The following H2AZ2 variants were observed in gnomAD, a reference collection of about 807,000 sequenced individuals.
H2AZ2 encodes the protein H2A.Z variant histone 2.
In H2AZ2, 5 loss-of-function variants were observed where a neutral mutation model predicts 15.5. That is an observed-to-expected ratio of 0.32 (90% confidence interval 0.17 to 0.68). H2AZ2 has a LOEUF of 0.68. Ranked by LOEUF, H2AZ2 falls within the 30% of genes least tolerant of loss-of-function variation. The probability of loss-of-function intolerance (pLI) is 0.72; values close to 1 mark genes in which losing one functional copy is unlikely to be tolerated. For missense variants in H2AZ2, 42 were observed against 162.5 expected (o/e 0.26, Z 4.03); for synonymous variants, 44 against 57.4 (o/e 0.77, Z 1.05).
chr7:44,839,948 A>G (rs943319389), intron 3 of H2AZ2, among the ~76,000 whole-genome samples: 5 of 151,576 alleles, frequency 3.3e-5, no homozygotes, highest in Admixed American at 1.3e-4. Context: ...GGTTGCAGTG[A>G]GCCAAGATTG....
downstream of H2AZ2, chr7:44,827,252 G>A (rs1199063113): frequency 6.6e-6 from 1 of 152,188 alleles, no homozygotes; most frequent in Non-Finnish European, 1.5e-5. Flanking sequence ...AAAGTACATA[G>A]TAAGTCCAGA....
intron 2 of H2AZ2, among the ~76,000 whole-genome samples, chr7:44,841,516 A>AT (rs1373803174): frequency 3.3e-5 from 5 of 151,692 alleles, no homozygotes; most frequent in South Asian, 2.1e-4. Flanking sequence ...GCCCTTTATT[A>AT]TTTTTTTTAT....
At position 44,835,698 on chromosome 7, in the gene H2AZ2, TAGGATCCCAAATGA is replaced by T. The variant is rs1479527330; in HGVS notation, c.196-54_196-41del. 3 of 1,522,318 alleles carry T rather than the reference TAGGATCCCAAATGA, an allele frequency of 2.0e-6. No homozygotes were observed. The African/African-American group carries it at 4.1e-5, about 21-fold the overall frequency. 94.3% of individuals were successfully genotyped at this position (1,522,318 alleles called of 1,614,324 possible). ...TGATTAGCATATCAAATGAAGGACC[TAGGATCCCAAATGA>T]AGGATCACTTAGCATTTGTACATAC... On this transcript the variant is annotated intron_variant, in intron 3 of 4. Coordinates refer to ENST00000308153, the MANE Select transcript of H2AZ2 (RefSeq NM_012412.5).
At chr7:44,830,586 CCTT>C (rs1392749333), downstream of H2AZ2, among the ~76,000 whole-genome samples, 2 of 152,262 alleles carry the variant, frequency 1.3e-5, no homozygotes, top group East Asian at 3.9e-4. Flanking sequence ...AAAGAAAAAT[CCTT>C]CTTCTCTCTG....
intron 1 of H2AZ2, 41 bp downstream of exon 1, chr7:44,847,928 C>A: frequency 1.3e-6 from 2 of 1,515,402 alleles, no homozygotes; most frequent in South Asian, 1.2e-5. Flanking sequence ...GCGCTCTGCT[C>A]TCCCAGGCCC....
chr7:44,845,359 T>C (rs1224770861), intron 1 of H2AZ2, among the ~76,000 whole-genome samples: 1 of 152,172 alleles, frequency 6.6e-6, no homozygotes, highest in East Asian at 1.9e-4. Context: ...CCAGAATGCC[T>C]CATATTTTAA....
intron 3 of H2AZ2, 23 bp from the exon 4 acceptor site, chr7:44,835,681 A>C (rs941503717): frequency 1.9e-6 from 3 of 1,554,392 alleles, no homozygotes; most frequent in Non-Finnish European, 2.6e-6. Flanking sequence ...CATGATTAGC[A>C]TATCAAATGA....
At chr7:44,847,642 C>T (rs1793444718) in intron 1 of H2AZ2, among the ~76,000 whole-genome samples, 1 of 152,202 alleles carries the variant, frequency 6.6e-6, no homozygotes, top group African/African-American at 2.4e-5. Context: ...ACATTAAGAT[C>T]CAGCACTTGT....
chr7:44,846,062 C>CACACACACACAGAGAGAGAGAG lies in H2AZ2; in HGVS notation c.3+1906_3+1907insCTCTCTCTCTCTGTGTGTGTGT, dbSNP rs57468916. 3.1e-3 allele frequency among the ~76,000 whole-genome samples: 230 copies of CACACACACACAGAGAGAGAGAG among 75,056 alleles called. 2 individuals carry two copies. The highest frequency in any genetic ancestry group is 5.4e-3 in the Non-Finnish European group (170 of 31,538). 49.2% of individuals were successfully genotyped at this position (75,056 alleles called of 152,430 possible). ...ACACACACACACACACACACACACA[C>CACACACACACAGAGAGAGAGAG]AGAGAGAGACAGAGAGAGAGAGAGA... On this transcript the variant is annotated intron_variant, in intron 1 of 4. Coordinates refer to ENST00000308153, the MANE Select transcript of H2AZ2 (RefSeq NM_012412.5).
intron 3 of H2AZ2, among the ~76,000 whole-genome samples, chr7:44,839,672 CCT>C (rs1351623158): frequency 2.7e-5 from 4 of 150,224 alleles, no homozygotes; most frequent in South Asian, 2.1e-4. Flanking sequence ...ACAGAGCGAG[CCT>C]CTGTCTCAAA....
At chr7:44,845,758 C>A (rs1748324607) in intron 1 of H2AZ2, among the ~76,000 whole-genome samples, 1 of 152,132 alleles carries the variant, frequency 6.6e-6, no homozygotes, top group Non-Finnish European at 1.5e-5. Flanking sequence ...CATTAAATGA[C>A]TATTTCCAAC....
chr7:44,830,367 A>C (rs1191082678), downstream of H2AZ2, among the ~76,000 whole-genome samples: 6 of 152,238 alleles, frequency 3.9e-5, no homozygotes, highest in Non-Finnish European at 8.8e-5. Flanking sequence ...GCATCGCAAC[A>C]AATTCAACCA....
intron 3 of H2AZ2, among the ~76,000 whole-genome samples, chr7:44,840,501 T>G (rs1338278161): frequency 9.2e-5 from 14 of 152,208 alleles, no homozygotes; most frequent in Admixed American, 5.2e-4. Context: ...CCGGACGTGG[T>G]GGCTCAAGCC....
chr7:44,836,928 G>A (rs1333806267), intron 3 of H2AZ2, among the ~76,000 whole-genome samples: 3 of 151,730 alleles, frequency 2.0e-5, no homozygotes, highest in Non-Finnish European at 4.4e-5. Flanking sequence ...CCCAGGAAGC[G>A]GAGCTTGCAG....
chr7:44,833,396 C>T lies in H2AZ2; in HGVS notation c.*1105G>A, dbSNP rs1793040237. ...TACAGGCGCGTGCCACCACACCCGG[C>T]TAATTTTTTGTATTTTTTTAAATAG... On this transcript the variant is annotated 3_prime_UTR_variant, in exon 5 of 5. Transcript: ENST00000308153. 6.6e-6 allele frequency among the ~76,000 whole-genome samples: 1 copy of T among 151,776 alleles called. No individual in the cohort carries two copies. Among genetic ancestry groups the T allele is most frequent in the Non-Finnish European group, 1.5e-5 (1 of 68,032 alleles).
downstream of H2AZ2, chr7:44,830,303 C>A (rs1051878665): frequency 2.6e-6 from 2 of 774,170 alleles, no homozygotes; most frequent in South Asian, 2.0e-5. Flanking sequence ...TAAGAATTCA[C>A]TGGATAACTA....
intron 4 of H2AZ2, 51 bp downstream of exon 4, chr7:44,835,478 A>G (rs940325368): frequency 1.7e-5 from 26 of 1,516,308 alleles, no homozygotes; most frequent in Non-Finnish European, 2.4e-5. Flanking sequence ...TCTGAACGAT[A>G]TATTAGTCAG....
At chr7:44,828,135 A>G (rs970908262), downstream of H2AZ2, 7 of 152,188 alleles carry the variant, frequency 4.6e-5, no homozygotes, top group Non-Finnish European at 8.8e-5. Flanking sequence ...CAACTCAGGG[A>G]TAACAATACA....
chr7:44,839,445 G>C (rs568842972), intron 3 of H2AZ2, among the ~76,000 whole-genome samples: 80 of 152,140 alleles, frequency 5.3e-4, no homozygotes, highest in African/African-American at 1.8e-3. Flanking sequence ...GGGAGGTGGA[G>C]GTGGGTGGCT....
Sources: gnomAD v4.1 joint callset for allele counts (sites outside exome capture counted in the v4.1 genomes callset) on GRCh38, gnomAD v4.1.1 for gene constraint, MANE v1.5 for transcripts, NCBI Gene and HGNC (gene_info 2026-07-23, HGNC 2026-07-21) for gene names.